Variants in GALNT17 observed in about 807,000 individuals in gnomAD.
GALNT17 encodes the protein polypeptide N-acetylgalactosaminyltransferase 17.
In GALNT17, 29 loss-of-function variants were observed where a neutral mutation model predicts 63.7. The ratio of observed to expected loss-of-function variants is 0.46; its 90% CI spans 0.34 to 0.62. GALNT17 has a LOEUF of 0.62. Among genes scored for constraint, GALNT17 ranks in the 20% least tolerant of loss-of-function variants. GALNT17 has a pLI of 0.01. For synonymous variants in GALNT17, 305 were observed against 318.3 expected, an observed-to-expected ratio of 0.96 and a Z score of 0.45; for missense variants, 603 against 799.6, an observed-to-expected ratio of 0.75 and a Z score of 2.97.
At chr7:71,161,048 C>T (rs1376413709) in intron 1 of GALNT17, among the ~76,000 whole-genome samples, 1 of 151,990 alleles carries the variant, frequency 6.6e-6, no homozygotes, top group African/African-American at 2.4e-5. Flanking sequence ...GCTATGTTGC[C>T]CAGGTTGTTC....
chr7:71,522,864 T>C (rs1443629522), intron 5 of GALNT17, among the ~76,000 whole-genome samples: 2 of 152,206 alleles, frequency 1.3e-5, no homozygotes, highest in African/African-American at 4.8e-5. Context: ...GTTCTCAAAA[T>C]ATGCTTCCTG....
At chr7:71,176,766 G>T (rs1788646317) in intron 1 of GALNT17, among the ~76,000 whole-genome samples, 1 of 152,150 alleles carries the variant, frequency 6.6e-6, no homozygotes. Context: ...CCCCAAGCCT[G>T]CTGGGGATAA....
chr7:71,455,166 C>CAAA (rs535222662), intron 5 of GALNT17, among the ~76,000 whole-genome samples: 2 of 127,552 alleles, frequency 1.6e-5, no homozygotes, highest in Non-Finnish European at 1.7e-5. Flanking sequence ...AATCTTGTTT[C>CAAA]AAAAAAAAAA....
chr7:71,246,264 G>C (rs1461505295), intron 1 of GALNT17, among the ~76,000 whole-genome samples: 1 of 151,222 alleles, frequency 6.6e-6, no homozygotes, highest in Non-Finnish European at 1.5e-5. Flanking sequence ...TGGGATTACA[G>C]GCACCCACCC....
At chr7:71,644,546 A>ACAAAC (rs376600618) in intron 6 of GALNT17, among the ~76,000 whole-genome samples, 1 of 100,216 alleles carries the variant, frequency 1.0e-5, no homozygotes, top group Admixed American at 1.1e-4. Flanking sequence ...AAAAAAAAAA[A>ACAAAC]AAACAAAAGA....
intron 2 of GALNT17, among the ~76,000 whole-genome samples, chr7:71,352,460 C>T (rs528236421): frequency 1.2e-4 from 18 of 152,080 alleles, no homozygotes; most frequent in African/African-American, 3.4e-4. Flanking sequence ...TATGGGTGCA[C>T]GGTAGTGCCA....
At chr7:71,498,368 T>C (rs1788129254) in intron 5 of GALNT17, among the ~76,000 whole-genome samples, 1 of 151,942 alleles carries the variant, frequency 6.6e-6, no homozygotes, top group South Asian at 2.1e-4. Context: ...TCCCAGCTGC[T>C]TGGGAGGCTG....
At chr7:71,160,087 C>A (rs889421966) in intron 1 of GALNT17, among the ~76,000 whole-genome samples, 2 of 151,988 alleles carry the variant, frequency 1.3e-5, no homozygotes, top group African/African-American at 4.8e-5. Flanking sequence ...ACCCAACCAC[C>A]TCTGTTGTAT....
chr7:71,558,547 A>G (rs543758781), intron 5 of GALNT17, among the ~76,000 whole-genome samples: 53 of 152,186 alleles, frequency 3.5e-4, no homozygotes, highest in African/African-American at 1.3e-3. Flanking sequence ...CTTTTCCCCA[A>G]ATGTTCACTC....
At chr7:71,609,055 C>T (rs927532737) in intron 6 of GALNT17, among the ~76,000 whole-genome samples, 1 of 151,644 alleles carries the variant, frequency 6.6e-6, no homozygotes, top group African/African-American at 2.4e-5. Flanking sequence ...TACTGGGATT[C>T]CAGGTGTGAG....
At position 71,193,455 on chromosome 7, in the gene GALNT17, T is replaced by TTC. The variant is rs1491197349; in HGVS notation, c.238+60416_238+60417insCT. Among the ~76,000 whole-genome samples the TTC allele has an allele frequency of 1.2e-4, 5 of 41,342 alleles. No homozygotes were observed. The African/African-American group carries it at 4.5e-3, about 38-fold the overall frequency. 27.1% of individuals were successfully genotyped at this position (41,342 alleles called of 152,430 possible). A position where few individuals can be genotyped will look rare whatever the true frequency, so the allele number is the denominator to read the frequency against. On this transcript the variant is annotated intron_variant, in intron 1 of 10. Coordinates refer to ENST00000333538, the MANE Select transcript of GALNT17 (RefSeq NM_022479.3). ...GATTTTACACTGATACGCTTTTGTC[T>TTC]TTTTTTTTTTTTTTTTTTTGGTGTA...
At chr7:71,260,737 G>A (rs1303430286) in intron 1 of GALNT17, among the ~76,000 whole-genome samples, 2 of 151,722 alleles carry the variant, frequency 1.3e-5, no homozygotes, top group Non-Finnish European at 2.9e-5. Context: ...TGGGACCACA[G>A]GTACATGCCA....
intron 8 of GALNT17, among the ~76,000 whole-genome samples, chr7:71,672,201 A>C (rs2117058687): frequency 6.6e-6 from 1 of 152,346 alleles, no homozygotes; most frequent in African/African-American, 2.4e-5. Flanking sequence ...ATTATTCCTA[A>C]GACAATAAGA....
chr7:71,167,001 A>G (rs547811100), intron 1 of GALNT17, among the ~76,000 whole-genome samples: 2 of 150,528 alleles, frequency 1.3e-5, no homozygotes, highest in East Asian at 2.0e-4. Context: ...CAGCCTCCCC[A>G]GTAGCTGGGA....
intron 1 of GALNT17, among the ~76,000 whole-genome samples, chr7:71,241,508 C>T (rs1789995872): frequency 6.6e-6 from 1 of 152,180 alleles, no homozygotes; most frequent in Non-Finnish European, 1.5e-5. Context: ...AACCAAAGTG[C>T]CACGTTCCAT....
chr7:71,163,940 A>G lies in GALNT17; in HGVS notation c.238+30900A>G, dbSNP rs534924480. 2.6e-5 allele frequency among the ~76,000 whole-genome samples: 4 copies of G among 152,326 alleles called. No homozygotes were observed. The South Asian group carries it at 8.3e-4, about 32-fold the overall frequency. ...TACCTTTTAGTAGCTGTTTTACAAG[A>G]ATCAGAAAGTACTGTAGAGACTGTC... On this transcript the variant is annotated intron_variant, in intron 1 of 10. Coordinates refer to ENST00000333538, the MANE Select transcript of GALNT17 (RefSeq NM_022479.3).
chr7:71,571,662 TCC>T (rs1200593650), intron 6 of GALNT17, among the ~76,000 whole-genome samples: 2 of 152,136 alleles, frequency 1.3e-5, no homozygotes, highest in Non-Finnish European at 2.9e-5. Context: ...AGAGGGTGGT[TCC>T]CACTCCCATT....
intron 1 of GALNT17, among the ~76,000 whole-genome samples, chr7:71,237,511 G>GAAAAAAAAAA (rs369921098): frequency 5.1e-5 from 4 of 78,116 alleles, no homozygotes; most frequent in Non-Finnish European, 5.3e-5. Flanking sequence ...TCCCATCTCT[G>GAAAAAAAAAA]AAAAAAAAAA....
intron 1 of GALNT17, among the ~76,000 whole-genome samples, chr7:71,176,669 G>C (rs1313588619): frequency 1.3e-5 from 2 of 152,072 alleles, no homozygotes; most frequent in African/African-American, 4.8e-5. Context: ...ACTTTGAGCC[G>C]AATAGGGTTT....
Sources: allele counts gnomAD v4.1 joint callset (sites outside exome capture counted in the v4.1 genomes callset), GRCh38; gene constraint gnomAD v4.1.1; transcripts MANE v1.5; gene names NCBI Gene and HGNC (gene_info 2026-07-23, HGNC 2026-07-21).